SLC17A9: variants seen among roughly 807,000 people sequenced by gnomAD.
SLC17A9 encodes the protein solute carrier family 17 member 9, also known as voltage-gated purine nucleotide uniporter SLC17A9.
Under a neutral mutation model 55.0 loss-of-function variants are expected in SLC17A9, and 49 were observed. The ratio of observed to expected loss-of-function variants is 0.89; its 90% CI spans 0.71 to 1.13. SLC17A9 has a LOEUF of 1.13. SLC17A9 is among the 50% of genes most tolerant of loss of function. SLC17A9 has a pLI of 0.00. For synonymous variants in SLC17A9, 256 were observed against 247.4 expected, an observed-to-expected ratio of 1.03 and a Z score of -0.32; for missense variants, 526 against 569.3, an observed-to-expected ratio of 0.92 and a Z score of 0.77.
Position 62,966,515 on chromosome 20 carries a change from C to T in SLC17A9, c.1062-10C>T. On this transcript the variant is annotated splice_polypyrimidine_tract_variant and intron_variant, in intron 10 of 12. Transcript: ENST00000370351. ...CCAGGGCCACTCACCACCCTCTTTC[C>T]TCCCCACAGTGGCATTTCTGTTAAC... 1 of 1,613,886 alleles carries T rather than the reference C, an allele frequency of 6.2e-7. No homozygotes were observed.
chr20:62,964,281 C>T lies in SLC17A9; in HGVS notation c.876C>T (p.Phe292=). 4 of 1,614,216 alleles carry T rather than the reference C, an allele frequency of 2.5e-6. No homozygotes were observed. The highest frequency in any genetic ancestry group is 3.4e-6 in the Non-Finnish European group (4 of 1,180,022). ...TGGTGGCGATTCCGGCCAGTCTATT[C>T]AGCGGGTTTCTCTCTGATCATCTCA... is the stretch of plus-strand genomic sequence containing the variant. ...PWLVAIPASL[F]SGFLSDHLIN... Residue 292 remains phenylalanine, a synonymous_variant, in exon 8 of 13, where the codon TTC becomes TTT. Coordinates refer to ENST00000370351, the MANE Select transcript of SLC17A9 (RefSeq NM_022082.4).
In SLC17A9 at chr20:62,958,030, G is replaced by C. The variant is rs1173506687; in HGVS notation, c.397+450G>C. Among the ~76,000 whole-genome samples, 1 of 152,126 alleles carries C rather than the reference G, an allele frequency of 6.6e-6. No individual in the cohort carries two copies. Among genetic ancestry groups the C allele is most frequent in the Non-Finnish European group, 1.5e-5 (1 of 68,008 alleles). On this transcript the variant is annotated intron_variant, in intron 3 of 12. Coordinates refer to ENST00000370351, the MANE Select transcript of SLC17A9 (RefSeq NM_022082.4). The surrounding 1 kb of genome is among the most constrained non-coding windows in gnomAD (Gnocchi z 4.1). ...CATGCACATGTGTGAGCATGCACTT[G>C]TGCGTGCAGGTGGTATGCATGCGTG...
Position 62,967,506 on chromosome 20 carries a change from A to T in SLC17A9, c.*6A>T. 1 of 1,612,956 alleles carries T rather than the reference A, an allele frequency of 6.2e-7. No homozygotes were observed. The highest frequency in any genetic ancestry group is 1.3e-5 in the African/African-American group (1 of 75,008). ...CTACCCATGAGGACCTCTAGCTCCCAACCCCACAGCCTCTCCAAGGACCCA... is the reference window on the plus strand; with the variant it reads ...CTACCCATGAGGACCTCTAGCTCCCTACCCCACAGCCTCTCCAAGGACCCA... On this transcript the variant is annotated 3_prime_UTR_variant, in exon 13 of 13. Coordinates refer to ENST00000370351, the MANE Select transcript of SLC17A9 (RefSeq NM_022082.4).
intron 1 of SLC17A9, among the ~76,000 whole-genome samples, chr20:62,954,221 C>T (rs1315934990): frequency 6.6e-6 from 1 of 152,228 alleles, no homozygotes; most frequent in Non-Finnish European, 1.5e-5. Context: ...TATTGGGTAG[C>T]GCCAAGGATT....
At chr20:62,954,002 C>T (rs533241052) in intron 1 of SLC17A9, among the ~76,000 whole-genome samples, 2 of 152,274 alleles carry the variant, frequency 1.3e-5, no homozygotes, top group Non-Finnish European at 2.9e-5. Context: ...GGCCTCCTCA[C>T]TGGCGGCTGG....
intron 4 of SLC17A9, among the ~76,000 whole-genome samples, chr20:62,961,385 C>A (rs2065587190): frequency 6.6e-6 from 1 of 152,056 alleles, no homozygotes; most frequent in African/African-American, 2.4e-5. Context: ...GGCGGCTTGT[C>A]CTCATCCACG....
chr20:62,953,208 C>A, intron 1 of SLC17A9: 4 of 1,550,452 alleles, frequency 2.6e-6, no homozygotes, highest in Non-Finnish European at 3.5e-6. Flanking sequence ...TACCCCTCGC[C>A]AGGTGGAACC....
In SLC17A9 at chr20:62,967,641, T is replaced by A; in HGVS notation, c.*141T>A. The A allele has an allele frequency of 9.0e-6, 3 of 334,554 alleles. No homozygotes were observed. The highest frequency in any genetic ancestry group is 6.2e-5 in the South Asian group (2 of 32,184). The allele number at this position is 334,554 out of a possible 1,614,324, so 20.7% of individuals were successfully genotyped here. A position where few individuals can be genotyped will look rare whatever the true frequency, so the allele number is the denominator to read the frequency against. ...AACCACTGTGGAGCCTGAAGCTCCT[T>A]AAGAAGAGTCCACAACAGCTGGTGG... is the stretch of plus-strand genomic sequence containing the variant. On this transcript the variant is annotated 3_prime_UTR_variant, in exon 13 of 13. Coordinates refer to ENST00000370351, the MANE Select transcript of SLC17A9 (RefSeq NM_022082.4).
chr20:62,964,695 C>T (rs565535519), intron 8 of SLC17A9, among the ~76,000 whole-genome samples: 72 of 152,362 alleles, frequency 4.7e-4, no homozygotes, highest in African/African-American at 1.4e-3. Context: ...GTGCAGTGTC[C>T]GCTGCACAGA....
rs759775733 is a variant in SLC17A9 at position 62,962,601 on chromosome 20, C to A, written c.498-23C>A. 6.2e-7 allele frequency: 1 copy of A among 1,612,102 alleles called. No homozygotes were observed. The highest frequency in any genetic ancestry group is 2.2e-5 in the East Asian group (1 of 44,836). On this transcript the variant is annotated intron_variant, in intron 4 of 12. Coordinates refer to ENST00000370351, the MANE Select transcript of SLC17A9 (RefSeq NM_022082.4). This position sits in a 1 kb window ranked among gnomAD's most constrained non-coding sequence, Gnocchi z 5.5. The stretch of plus-strand genomic sequence containing the variant: ...CGAGGGGTGCCGCTGAGGGGCCTGG[C>A]CACACTCCCCCTGTCTTTGCAGGAC...
At chr20:62,959,796 A>G (rs948098635) in intron 3 of SLC17A9, among the ~76,000 whole-genome samples, 2 of 152,230 alleles carry the variant, frequency 1.3e-5, no homozygotes, top group African/African-American at 4.8e-5. Flanking sequence ...CCCTGTAGAC[A>G]CGGCCCGTGG....
chr20:62,967,749 GTCC>G lies in SLC17A9; in HGVS notation c.*255_*257del, dbSNP rs911357711. 1.7e-4 allele frequency: 77 copies of G among 461,042 alleles called. No individual in the cohort carries two copies. Among genetic ancestry groups the G allele is most frequent in the African/African-American group, 1.4e-3 (70 of 50,520 alleles). 28.6% of individuals were successfully genotyped at this position (461,042 alleles called of 1,614,324 possible). A position where few individuals can be genotyped will look rare whatever the true frequency, so the allele number is the denominator to read the frequency against. ...CCCACCTGCCAGCGGGCTCGGCCCT[GTCC>G]TCCTCACAGGCTGGTGTGGCCGTCA... is the stretch of plus-strand genomic sequence containing the variant. On this transcript the variant is annotated 3_prime_UTR_variant, in exon 13 of 13. Coordinates refer to ENST00000370351, the MANE Select transcript of SLC17A9 (RefSeq NM_022082.4).
At chr20:62,965,506 C>G (rs1399545294) in intron 9 of SLC17A9, 104 bp from the exon 10 acceptor site, 1 of 1,087,510 alleles carries the variant, frequency 9.2e-7, no homozygotes. Flanking sequence ...CCAACCTGAC[C>G]GTTGTGCGGT....
Position 62,965,718 on chromosome 20 carries a change from A to C in SLC17A9, c.1054A>C (p.Asn352His), listed in dbSNP as rs1321024066. Residue 352 changes from asparagine to histidine, a missense_variant, in exon 10 of 13, where the codon AAC (asparagine) becomes CAC (histidine). Asn to His is a moderately conservative substitution (Grantham distance 68, BLOSUM62 1). Coordinates refer to ENST00000370351, the MANE Select transcript of SLC17A9 (RefSeq NM_022082.4). ...AGCCTCCATCGGCCTCCAGACCTTC[A>C]ACCACAGGTGAGGGCCGACTGCTCC... is the stretch of plus-strand genomic sequence containing the variant. ...ASASIGLQTF[N>H]HSGISVNIQD... 1 of 1,613,662 alleles carries C rather than the reference A, an allele frequency of 6.2e-7. No individual in the cohort carries two copies. Among genetic ancestry groups the C allele is most frequent in the South Asian group, 1.1e-5 (1 of 91,074 alleles).
chr20:62,957,620 C>T, intron 3 of SLC17A9, 40 bp downstream of exon 3: 1 of 1,476,540 alleles, frequency 6.8e-7, no homozygotes, highest in South Asian at 1.4e-5. Flanking sequence ...CTCTCTGGCA[C>T]CAGGTGGGGA....
Position 62,957,466 on chromosome 20 carries a change from C to A in SLC17A9, c.283C>A (p.Leu95Met). ...GATTGGGGGTGAGAAGGTCATCCTG[C>A]TGTCAGCCTCTGCCTGGGGCTCCAT... ...DRIGGEKVIL[L>M]SASAWGSITA... is the part of the protein sequence containing the mutation. The change falls in exon 3 of 13, where the codon CTG (leucine) becomes ATG (methionine). Residue 95 changes from leucine (L) to methionine (M), a missense_variant. Leu to Met is a conservative substitution (Grantham distance 15, BLOSUM62 2). Coordinates refer to ENST00000370351, the MANE Select transcript of SLC17A9 (RefSeq NM_022082.4). 6.2e-7 allele frequency: 1 copy of A among 1,605,280 alleles called. No individual in the cohort carries two copies. The highest frequency in any genetic ancestry group is 1.1e-5 in the South Asian group (1 of 89,752).
chr20:62,965,513 C>T (rs2065628228), intron 9 of SLC17A9, 97 bp from the exon 10 acceptor site: 11 of 1,139,742 alleles, frequency 9.7e-6, no homozygotes, highest in African/African-American at 6.1e-5. Context: ...GACCGTTGTG[C>T]GGTGCGCCCA....
At chr20:62,966,899 G>A in intron 12 of SLC17A9, 167 bp downstream of exon 12, 2 of 824,908 alleles carry the variant, frequency 2.4e-6, no homozygotes, top group South Asian at 1.9e-5. Flanking sequence ...TGCCTTCCAG[G>A]TTCCACTGGA....
rs139060051 is a variant in SLC17A9 at position 62,952,789 on chromosome 20, G to C, written c.-42G>C. The C allele has an allele frequency of 9.2e-6, 14 of 1,529,154 alleles. No individual in the cohort carries two copies. The highest frequency in any genetic ancestry group is 1.1e-5 in the Non-Finnish European group (13 of 1,142,368). The allele number at this position is 1,529,154 out of a possible 1,614,324, so 94.7% of individuals were successfully genotyped here. On this transcript the variant is annotated 5_prime_UTR_variant, in exon 1 of 13. Coordinates refer to ENST00000370351, the MANE Select transcript of SLC17A9 (RefSeq NM_022082.4). ...TCAGCCTGGGCTGGGAGGCAGCCCC[G>C]GGACACAGCTGTGCCCACGCCGTCT...
Sources: gnomAD v4.1 joint callset for allele counts (sites outside exome capture counted in the v4.1 genomes callset) on GRCh38, gnomAD v4.1.1 for gene constraint, Gnocchi (gnomAD v3.1) non-coding constraint, MANE v1.5 for transcripts, NCBI Gene and HGNC (gene_info 2026-07-23, HGNC 2026-07-21) for gene names.